Variants in C16orf74 observed in about 807,000 individuals in gnomAD.
C16orf74 encodes the protein calcimembrin, also known as uncharacterized protein C16orf74.
C16orf74 carries 10 observed loss-of-function variants against 6.5 expected under a neutral mutation model. The ratio of observed to expected loss-of-function variants is 1.54; its 90% CI spans 0.95 to 2.61. The LOEUF is 2.61. Ranked by LOEUF, C16orf74 falls within the 30% of genes most tolerant of loss-of-function variation. The pLI is 0.00. For synonymous variants in C16orf74, 60 were observed against 42.5 expected (o/e 1.41, Z -1.60); for missense variants, 141 against 105.9 (o/e 1.33, Z -1.45).
At chr16:85,735,010 G>A (rs1038216586) in intron 2 of C16orf74, among the ~76,000 whole-genome samples, 180 bp downstream of exon 2, 8 of 152,170 alleles carry the variant, frequency 5.3e-5, no homozygotes, top group African/African-American at 1.7e-4. Context: ...AGAAGGCCTG[G>A]AGGGGTGCTC....
At chr16:85,728,113 G>C (rs391458) in intron 2 of C16orf74, among the ~76,000 whole-genome samples, 51,591 of 151,892 alleles carry the variant, frequency 0.34, 9,022 homozygotes, top group Middle Eastern at 0.45. Context: ...ACTCCAGCCT[G>C]AGCAACAGAG....
chr16:85,727,807 C>G (rs66512666), intron 2 of C16orf74, among the ~76,000 whole-genome samples: 1 of 147,694 alleles, frequency 6.8e-6, no homozygotes. Context: ...GAGCCAGGCC[C>G]TGTTTCAAAA....
At chr16:85,723,126 G>C (rs946544965) in intron 2 of C16orf74, among the ~76,000 whole-genome samples, 1 of 152,024 alleles carries the variant, frequency 6.6e-6, no homozygotes, top group Non-Finnish European at 1.5e-5. Flanking sequence ...CAGGTGTGGT[G>C]GTGCATGCCT....
Position 85,716,810 on chromosome 16 carries a change from A to C in C16orf74, c.29-6503T>G, listed in dbSNP as rs144979529. Among the ~76,000 whole-genome samples the C allele has an allele frequency of 5.1e-3, 773 of 152,164 alleles. 6 individuals are homozygous for C. Among genetic ancestry groups the C allele is most frequent in the Non-Finnish European group, 8.7e-3 (593 of 67,968 alleles). On this transcript the variant is annotated intron_variant, in intron 2 of 3. Coordinates refer to ENST00000284245, the MANE Select transcript of C16orf74 (RefSeq NM_206967.3). ...AGCAGAGGTGGCCAAACAGGAGGGAAAGCTCTCAGGAGGATGAAGCCAATG... is the reference window on the plus strand; with the variant it reads ...AGCAGAGGTGGCCAAACAGGAGGGACAGCTCTCAGGAGGATGAAGCCAATG...
intron 2 of C16orf74, among the ~76,000 whole-genome samples, chr16:85,724,113 C>T (rs1461343929): frequency 2.6e-5 from 4 of 152,260 alleles, no homozygotes; most frequent in East Asian, 3.9e-4. Context: ...CTAATATTGC[C>T]CAGGCTGGTC....
At position 85,709,760 on chromosome 16, in the gene C16orf74, C is replaced by G. The variant is rs546381977; in HGVS notation, c.172+404G>C. ...GGAAGGCCCAGGGTCCGGCCCCAGC[C>G]TGGGCACGAGCTGTGTTTCCAAGTC... On this transcript the variant is annotated intron_variant, in intron 3 of 3. Transcript: ENST00000284245. 7.2e-5 allele frequency among the ~76,000 whole-genome samples: 11 copies of G among 152,378 alleles called. No individual in the cohort carries two copies. In the East Asian group the frequency reaches 1.9e-3, roughly 27 times the overall value.
chr16:85,750,257 C>T (rs938882375), intron 1 of C16orf74, among the ~76,000 whole-genome samples: 5 of 152,220 alleles, frequency 3.3e-5, no homozygotes, highest in African/African-American at 1.2e-4. Flanking sequence ...ATCTGGGCCC[C>T]GCAGCCGGAG....
chr16:85,719,068 C>G (rs987831926), intron 2 of C16orf74, among the ~76,000 whole-genome samples: 1 of 152,240 alleles, frequency 6.6e-6, no homozygotes, highest in Non-Finnish European at 1.5e-5. Flanking sequence ...CTTCTGCTTC[C>G]TGCTGTGACA....
Position 85,722,440 on chromosome 16 carries a change from G to A in C16orf74, c.29-12133C>T, listed in dbSNP as rs566280797. On this transcript the variant is annotated intron_variant, in intron 2 of 3. Coordinates refer to ENST00000284245, the MANE Select transcript of C16orf74 (RefSeq NM_206967.3). ...CTGGGAAAGGCCGCAGCCAGAGAGC[G>A]GAGCAGACTGAAGGCTGGGCTGGAT... 5.9e-5 allele frequency among the ~76,000 whole-genome samples: 9 copies of A among 152,334 alleles called. No individual in the cohort carries two copies. The South Asian group carries it at 1.5e-3, about 25-fold the overall frequency.
At chr16:85,711,352 T>C (rs540656269) in intron 2 of C16orf74, among the ~76,000 whole-genome samples, 29 of 144,176 alleles carry the variant, frequency 2.0e-4, no homozygotes, top group African/African-American at 7.2e-4. Flanking sequence ...TGGTGGCTCA[T>C]ACCTGTAATC....
At chr16:85,735,152 G>A in intron 2 of C16orf74, 38 bp downstream of exon 2, 2 of 1,586,000 alleles carry the variant, frequency 1.3e-6, no homozygotes, top group East Asian at 2.3e-5. Context: ...CACCCCCTCT[G>A]CCATGAGAGC....
intron 1 of C16orf74, among the ~76,000 whole-genome samples, chr16:85,736,978 G>C (rs538517891): frequency 6.6e-6 from 1 of 152,148 alleles, no homozygotes; most frequent in South Asian, 2.1e-4. Context: ...CGTAGGTGGA[G>C]GTTGCAGTGA....
At chr16:85,742,879 T>C (rs941346906) in intron 1 of C16orf74, among the ~76,000 whole-genome samples, 1 of 152,202 alleles carries the variant, frequency 6.6e-6, no homozygotes, top group Non-Finnish European at 1.5e-5. Flanking sequence ...GCCTTGGGTA[T>C]TCCTTTGCAG....
At position 85,749,540 on chromosome 16, in the gene C16orf74, C is replaced by A. The variant is rs1209489081; in HGVS notation, c.-19+1386G>T. Among the ~76,000 whole-genome samples the A allele has an allele frequency of 7.2e-5, 11 of 152,182 alleles. No homozygotes were observed. In the East Asian group the frequency reaches 1.7e-3, roughly 24 times the overall value. ...TCAAGCACTCCTCCTGCTTTGGCAT[C>A]CCAAAGTATTGCAGCCACAGGCGTG... On this transcript the variant is annotated intron_variant, in intron 1 of 3. Coordinates refer to ENST00000284245, the MANE Select transcript of C16orf74 (RefSeq NM_206967.3).
In C16orf74 at chr16:85,742,321, C is replaced by G. The variant is rs530748689; in HGVS notation, c.-18-7086G>C. 2.3e-4 allele frequency among the ~76,000 whole-genome samples: 35 copies of G among 152,110 alleles called. 1 individual carries two copies. The highest frequency in any genetic ancestry group is 1.8e-3 in the Admixed American group (28 of 15,278). On this transcript the variant is annotated intron_variant, in intron 1 of 3. Transcript: ENST00000284245. ...CTGGGAGCCAGAAGTTGCAGTGAGCCGAGATCATGCCACTGCACTCCATCC... is the reference window on the plus strand; with the variant it reads ...CTGGGAGCCAGAAGTTGCAGTGAGCGGAGATCATGCCACTGCACTCCATCC...
intron 2 of C16orf74, among the ~76,000 whole-genome samples, chr16:85,733,540 G>A (rs981228902): frequency 1.3e-5 from 2 of 152,086 alleles, no homozygotes; most frequent in Admixed American, 6.5e-5. Context: ...TGGTTAAAAC[G>A]GTAAGTTTAT....
At chr16:85,721,565 C>T (rs2054082970) in intron 2 of C16orf74, among the ~76,000 whole-genome samples, 1 of 152,190 alleles carries the variant, frequency 6.6e-6, no homozygotes, top group Non-Finnish European at 1.5e-5. Context: ...TGACAGTATT[C>T]CTTATCTGAA....
Position 85,710,296 on chromosome 16 carries a change from A to G in C16orf74, c.40T>C (p.Cys14Arg), listed in dbSNP as rs369824478. 5 of 1,512,044 alleles carry G rather than the reference A, an allele frequency of 3.3e-6. No individual in the cohort carries two copies. Among genetic ancestry groups the G allele is most frequent in the Non-Finnish European group, 4.4e-6 (5 of 1,140,922 alleles). The allele number at this position is 1,512,044 out of a possible 1,614,324, so 93.7% of individuals were successfully genotyped here. A position where few individuals can be genotyped will look rare whatever the true frequency, so the allele number is the denominator to read the frequency against. Reference protein sequence around the residue: ...KMSCLKGFQMCVSSSSSSHDE... With the variant: ...KMSCLKGFQMRVSSSSSSHDE... ...TGGCTGCTGCTGCTGCTGCTGACAC[A>G]CATTTGAAAGCCTGAGAAGCCAGGC... The change falls in exon 3 of 4, where the codon TGT (cysteine) becomes CGT (arginine). Residue 14 changes from cysteine (C) to arginine (R), a missense_variant. Cys to Arg is a radical substitution (Grantham distance 180). Transcript: ENST00000284245.
intron 2 of C16orf74, among the ~76,000 whole-genome samples, chr16:85,719,475 T>C (rs2054057553): frequency 6.6e-6 from 1 of 152,042 alleles, no homozygotes; most frequent in Non-Finnish European, 1.5e-5. Flanking sequence ...TGGGCACTGA[T>C]CGTTTGATCC....
Sources: gnomAD v4.1 joint callset for allele counts (sites outside exome capture counted in the v4.1 genomes callset) on GRCh38, gnomAD v4.1.1 for gene constraint, MANE v1.5 for transcripts, NCBI Gene and HGNC (gene_info 2026-07-23, HGNC 2026-07-21) for gene names.